The following AKAP12 variants were observed in gnomAD, a reference collection of about 807,000 sequenced individuals.
AKAP12 encodes the protein A-kinase anchor protein 12.
AKAP12 carries 32 observed loss-of-function variants against 79.9 expected under a neutral mutation model. The ratio of observed to expected loss-of-function variants is 0.40; its 90% CI spans 0.30 to 0.54. The LOEUF is 0.54. Ranked by LOEUF, AKAP12 falls within the 20% of genes least tolerant of loss-of-function variation. The pLI is 0.48. For missense variants in AKAP12, 2,074 were observed against 2,177.0 expected (o/e 0.95, Z 0.94); for synonymous variants, 808 against 857.0 (o/e 0.94, Z 1.00).
chr6:151,284,562 G>A (rs2473608), intron 2 of AKAP12, among the ~76,000 whole-genome samples: 69,646 of 151,924 alleles, frequency 0.46, 17,030 homozygotes, highest in East Asian at 0.78. Context: ...TGAGAGGTCA[G>A]AGCTGCAGTG....
chr6:151,265,758 C>A (rs879566206), intron 2 of AKAP12, among the ~76,000 whole-genome samples: 1 of 152,192 alleles, frequency 6.6e-6, no homozygotes, highest in Non-Finnish European at 1.5e-5. Context: ...CCTCATCAGT[C>A]TGTCACCAGA....
At chr6:151,255,739 G>A (rs553201367) in intron 2 of AKAP12, among the ~76,000 whole-genome samples, 3 of 152,096 alleles carry the variant, frequency 2.0e-5, no homozygotes, top group Non-Finnish European at 4.4e-5. Flanking sequence ...ACAGTGAGTC[G>A]TGGTTGAACC....
rs1778465036 is a variant in AKAP12, at chr6:151,357,225, GTTGCCCA to G, written c.*1512_*1518del. ...GTTTTTGAGACAGAGTTTCGCTCTT[GTTGCCCA>G]GGCTGGAGTGCAATGGCACGATCTC... On this transcript the variant is annotated 3_prime_UTR_variant, in exon 5 of 5. Transcript: ENST00000402676. The G allele has an allele frequency of 1.9e-5, 3 of 155,040 alleles. No homozygotes were observed. The highest frequency in any genetic ancestry group is 1.3e-4 in the Admixed American group (2 of 15,356). 9.6% of individuals were successfully genotyped at this position (155,040 alleles called of 1,614,324 possible).
At chr6:151,347,658 T>C (rs1778135439) in intron 3 of AKAP12, among the ~76,000 whole-genome samples, 1 of 152,262 alleles carries the variant, frequency 6.6e-6, no homozygotes, top group Non-Finnish European at 1.5e-5. Context: ...ATTAATCTAT[T>C]AAGATTTGCA....
intron 3 of AKAP12, among the ~76,000 whole-genome samples, chr6:151,343,260 T>A (rs1777999141): frequency 1.3e-5 from 2 of 152,188 alleles, no homozygotes; most frequent in African/African-American, 4.8e-5. Flanking sequence ...TAGCAACATG[T>A]CTCTGCATTT....
intron 3 of AKAP12, among the ~76,000 whole-genome samples, chr6:151,336,191 C>T (rs995693182): frequency 2.6e-5 from 4 of 152,126 alleles, no homozygotes; most frequent in Non-Finnish European, 5.9e-5. Flanking sequence ...GGGTTGGTTC[C>T]ATGACTTTGC....
chr6:151,265,554 A>T (rs1383674903), intron 2 of AKAP12, among the ~76,000 whole-genome samples: 1 of 152,256 alleles, frequency 6.6e-6, no homozygotes, highest in Admixed American at 6.5e-5. Context: ...ACTTCAATCC[A>T]GTAGATTTAA....
At chr6:151,260,592 C>T (rs1401697379) in intron 2 of AKAP12, among the ~76,000 whole-genome samples, 1 of 152,220 alleles carries the variant, frequency 6.6e-6, no homozygotes, top group Non-Finnish European at 1.5e-5. Flanking sequence ...ACCCTGTCCT[C>T]ACTTCTCCCA....
Position 151,351,787 on chromosome 6 carries a change from C to G in AKAP12, c.3396C>G (p.Ser1132=). 6.2e-7 allele frequency: 1 copy of G among 1,614,124 alleles called. No individual in the cohort carries two copies. The highest frequency in any genetic ancestry group is 8.5e-7 in the Non-Finnish European group (1 of 1,180,028). ...KAPQVTESIE[S]SELVTTCQAE... ...CTCAAGTCACAGAGAGCATAGAGTC[C>G]AGTGAGCTTGTAACCACTTGTCAAG... Residue 1132 remains serine (S), a synonymous_variant, in exon 4 of 5, where the codon TCC becomes TCG. Coordinates refer to ENST00000402676, the MANE Select transcript of AKAP12 (RefSeq NM_005100.4). This position sits in a 1 kb window ranked among gnomAD's most constrained non-coding sequence, Gnocchi z 4.4.
chr6:151,300,164 G>A (rs1776829908), intron 2 of AKAP12, among the ~76,000 whole-genome samples: 1 of 152,106 alleles, frequency 6.6e-6, no homozygotes, highest in African/African-American at 2.4e-5. Context: ...ACAATGAAGA[G>A]GTTTCTTTAC....
chr6:151,353,013 A>C lies in AKAP12; in HGVS notation c.4622A>C (p.Glu1541Ala). The C allele has an allele frequency of 6.2e-7, 1 of 1,614,138 alleles. No individual in the cohort carries two copies. Among genetic ancestry groups the C allele is most frequent in the East Asian group, 2.2e-5 (1 of 44,872 alleles). ...TTAGAGCCTGAAAATGGGATTTTGG[A>C]ACTTGAGACCAAAAGCAGTAAACTT... ...EDLEPENGIL[E>A]LETKSSKLVQ... Residue 1541 changes from glutamate (E) to alanine (A), a missense_variant, in exon 4 of 5, where the codon GAA (glutamate) becomes GCA (alanine). Coordinates refer to ENST00000402676, the MANE Select transcript of AKAP12 (RefSeq NM_005100.4).
At position 151,356,078 on chromosome 6, in the gene AKAP12, GTCC is replaced by G. The variant is rs1778432740; in HGVS notation, c.*369_*371del. 1 of 152,536 alleles carries G rather than the reference GTCC, an allele frequency of 6.6e-6. No individual in the cohort carries two copies. Among genetic ancestry groups the G allele is most frequent in the Non-Finnish European group, 1.5e-5 (1 of 68,034 alleles). The allele number at this position is 152,536 out of a possible 1,614,324, so 9.4% of individuals were successfully genotyped here. A position where few individuals can be genotyped will look rare whatever the true frequency, so the allele number is the denominator to read the frequency against. On this transcript the variant is annotated 3_prime_UTR_variant, in exon 5 of 5. Transcript: ENST00000402676. The stretch of plus-strand genomic sequence containing the variant: ...CATATTTATATGTATGTTTTAAGTA[GTCC>G]TCCTGTATCTATTGTATATTTTTTT...
At chr6:151,343,644 C>T (rs1303480805) in intron 3 of AKAP12, among the ~76,000 whole-genome samples, 3 of 152,068 alleles carry the variant, frequency 2.0e-5, no homozygotes, top group Admixed American at 6.6e-5. Flanking sequence ...ATTAGCCGAG[C>T]GTGGTGGCAG....
intron 2 of AKAP12, among the ~76,000 whole-genome samples, chr6:151,279,959 A>G (rs1776365909): frequency 6.6e-6 from 1 of 152,160 alleles, no homozygotes. Flanking sequence ...GCCACCATAT[A>G]AGAAAAAAGT....
At position 151,350,569 on chromosome 6, in the gene AKAP12, C is replaced by T. The variant is rs754437547; in HGVS notation, c.2178C>T (p.Asp726=). 2.5e-5 allele frequency: 41 copies of T among 1,613,978 alleles called. No homozygotes were observed. Among genetic ancestry groups the T allele is most frequent in the Non-Finnish European group, 2.6e-5 (31 of 1,180,030 alleles). ...GAAAAGACAAAGAGACGGGGACAGA[C>T]GGGATCCTTGCTGGTTCCCAAGAAC... ...EAGKDKETGT[D]GILAGSQEHD... is the part of the protein sequence containing the mutation. The change falls in exon 4 of 5, where the codon GAC becomes GAT. Residue 726 remains aspartate (D), a synonymous_variant. Coordinates refer to ENST00000402676, the MANE Select transcript of AKAP12 (RefSeq NM_005100.4). The surrounding 1 kb of genome is among the most constrained non-coding windows in gnomAD (Gnocchi z 4.8).
chr6:151,330,740 T>C (rs1777646330), intron 3 of AKAP12, among the ~76,000 whole-genome samples: 1 of 152,230 alleles, frequency 6.6e-6, no homozygotes, highest in Non-Finnish European at 1.5e-5. Flanking sequence ...AAGTTTTTTT[T>C]TCTTTTAAGC....
chr6:151,340,342 T>C (rs1206665808), intron 3 of AKAP12, among the ~76,000 whole-genome samples: 1 of 151,732 alleles, frequency 6.6e-6, no homozygotes, highest in Non-Finnish European at 1.5e-5. Context: ...GTTTTGGCAA[T>C]TATGCATAAA....
intron 3 of AKAP12, 30 bp from the exon 4 acceptor site, chr6:151,348,681 C>CTG: frequency 1.4e-5 from 3 of 218,346 alleles, no homozygotes; most frequent in Non-Finnish European, 2.7e-5. Context: ...TTTCTCTTCT[C>CTG]CCCACCCCCC....
intron 3 of AKAP12, among the ~76,000 whole-genome samples, chr6:151,326,068 C>T (rs1777516189): frequency 6.6e-6 from 1 of 152,190 alleles, no homozygotes; most frequent in Non-Finnish European, 1.5e-5. Context: ...CTCCCTTGGG[C>T]TCAGCAAGAA....
Sources: allele counts gnomAD v4.1 joint callset (sites outside exome capture counted in the v4.1 genomes callset), GRCh38; gene constraint gnomAD v4.1.1; non-coding constraint Gnocchi (gnomAD v3.1); transcripts MANE v1.5; gene names NCBI Gene and HGNC (gene_info 2026-07-23, HGNC 2026-07-21).